The following PUDP variants were observed in gnomAD, a reference collection of about 807,000 sequenced individuals.
PUDP encodes pseudouridine-5'-phosphatase.
Under a neutral mutation model 9.4 loss-of-function variants are expected in PUDP, and 8 were observed. That is an observed-to-expected ratio of 0.85 (90% CI 0.50 to 1.53). The LOEUF (loss-of-function observed/expected upper bound fraction) is 1.53, where lower values mean the gene tolerates loss of function less well. PUDP is among the 40% of genes most tolerant of loss of function. The probability of loss-of-function intolerance (pLI) is 0.00; values close to 1 mark genes in which losing one functional copy is unlikely to be tolerated. For synonymous variants in PUDP, 99 were observed against 80.7 expected (o/e 1.23, Z -1.22); for missense variants, 188 against 189.7 (o/e 0.99, Z 0.05).
chrX:7,063,856 C>T (rs1435284863), intron 3 of PUDP, among the ~76,000 whole-genome samples: 2 of 111,087 alleles, frequency 1.8e-5, no homozygotes, highest in African/African-American at 3.3e-5. Context: ...GCCCTTTGCC[C>T]GGGCTAGTCT....
chrX:6,848,956 G>T (rs1256719185), intron 3 of PUDP, among the ~76,000 whole-genome samples: 2 of 112,047 alleles, frequency 1.8e-5, no homozygotes, highest in East Asian at 5.6e-4. Context: ...TAACACAGTT[G>T]GGAATGCGGA....
chrX:6,960,682 A>C (rs1928694007), intron 3 of PUDP, among the ~76,000 whole-genome samples: 1 of 112,425 alleles, frequency 8.9e-6, no homozygotes, highest in Non-Finnish European at 1.9e-5. Flanking sequence ...AGGACATTGA[A>C]TGTAGGGAAT....
At chrX:6,872,287 T>G (rs1330554188) in intron 3 of PUDP, among the ~76,000 whole-genome samples, 1 of 111,930 alleles carries the variant, frequency 8.9e-6, no homozygotes, top group African/African-American at 3.2e-5. Flanking sequence ...GTTTTCATTG[T>G]GCCTTGCCTT....
intron 3 of PUDP, among the ~76,000 whole-genome samples, chrX:6,770,530 T>A (rs1925347714): frequency 2.7e-5 from 3 of 111,610 alleles, no homozygotes; most frequent in Non-Finnish European, 5.6e-5. Flanking sequence ...TTGTGATGGA[T>A]CCATGACCTG....
At chrX:6,719,361 C>T (rs1924635361) in intron 1 of PUDP, among the ~76,000 whole-genome samples, 1 of 111,811 alleles carries the variant, frequency 8.9e-6, no homozygotes, top group African/African-American at 3.2e-5. Flanking sequence ...TCCAAGGCCT[C>T]ATCTCCAAAT....
At chrX:6,789,644 T>G (rs754565581) in intron 3 of PUDP, among the ~76,000 whole-genome samples, 7 of 109,949 alleles carry the variant, frequency 6.4e-5, no homozygotes, top group Non-Finnish European at 1.1e-4. Context: ...AGAAAATAGG[T>G]AGGGCAGCAC....
intron 2 of PUDP, among the ~76,000 whole-genome samples, chrX:7,098,790 T>C (rs1362660258): frequency 9.1e-6 from 1 of 110,173 alleles, no homozygotes; most frequent in Non-Finnish European, 1.9e-5. Context: ...AGGGGGAAAG[T>C]AGAGGGCAGG....
chrX:6,752,475 G>C (rs903741804), intron 3 of PUDP, among the ~76,000 whole-genome samples: 2 of 111,906 alleles, frequency 1.8e-5, no homozygotes, highest in African/African-American at 6.5e-5. Context: ...TTTTTTAAAA[G>C]CCACACTGTG....
At chrX:7,008,495 T>G in intron 1 of PUDP, among the ~76,000 whole-genome samples, 1 of 111,196 alleles carries the variant, frequency 9.0e-6, no homozygotes, top group East Asian at 2.8e-4. Context: ...ATTCTTTCTC[T>G]ATAGCCCAGG....
chrX:6,714,215 T>C (rs1445604300), intron 1 of PUDP, among the ~76,000 whole-genome samples: 4 of 112,144 alleles, frequency 3.6e-5, no homozygotes, highest in African/African-American at 1.3e-4. Context: ...TCATTTTACA[T>C]GAACCATAGT....
chrX:6,775,504 T>TAC lies in PUDP; in HGVS notation c.*248-69040_*248-69039dup, dbSNP rs1555909727. On this transcript the variant is annotated intron_variant and NMD_transcript_variant, in intron 3 of 3. Coordinates refer to the PUDP transcript ENST00000655425. ...ATAGATACACACATATACACACACA[T>TAC]ACACACACACACACACACACACATA... 8.2e-3 allele frequency among the ~76,000 whole-genome samples: 822 copies of TAC among 100,822 alleles called. 7 individuals are homozygous for TAC. The highest frequency in any genetic ancestry group is 0.017 in the African/African-American group (477 of 28,127). 87.6% of individuals were successfully genotyped at this position (100,822 alleles called of 115,157 possible).
At chrX:6,723,372 T>C (rs1206282568), upstream of PUDP, among the ~76,000 whole-genome samples, 2 of 93,183 alleles carry the variant, frequency 2.1e-5, no homozygotes, top group Non-Finnish European at 4.1e-5. Context: ...GAGGTTGAGG[T>C]TGCAATAAAC....
chrX:6,930,142 T>TGG (rs111322785), intron 3 of PUDP, among the ~76,000 whole-genome samples: 13 of 109,630 alleles, frequency 1.2e-4, no homozygotes, highest in Admixed American at 4.8e-4. Flanking sequence ...AAAGACAAGG[T>TGG]GGGGGGGTGT....
intron 3 of PUDP, among the ~76,000 whole-genome samples, chrX:6,963,697 G>A (rs929358270): frequency 3.6e-5 from 4 of 112,019 alleles, no homozygotes; most frequent in Non-Finnish European, 7.5e-5. Flanking sequence ...AGACCAGGTG[G>A]TCTGAGAGCA....
At chrX:7,020,484 T>C (rs1929618434) in intron 1 of PUDP, among the ~76,000 whole-genome samples, 1 of 111,075 alleles carries the variant, frequency 9.0e-6, no homozygotes, top group Admixed American at 9.6e-5. Flanking sequence ...AAACTTATTA[T>C]CACTGATGCC....
chrX:6,788,118 C>T (rs5989497), intron 3 of PUDP, among the ~76,000 whole-genome samples: 2,743 of 112,097 alleles, frequency 0.024, 86 homozygotes, highest in African/African-American at 0.084. Context: ...TTCAGTGTTA[C>T]TGTGGTGCAA....
chrX:6,998,130 T>C (rs1929275022), intron 1 of PUDP, among the ~76,000 whole-genome samples: 2 of 111,847 alleles, frequency 1.8e-5, no homozygotes, highest in Non-Finnish European at 3.8e-5. Context: ...GATGTCCACC[T>C]GGAGGGGTGT....
At chrX:6,738,815 C>T (rs751844517) in intron 3 of PUDP, among the ~76,000 whole-genome samples, 1 of 111,867 alleles carries the variant, frequency 8.9e-6, no homozygotes, top group Non-Finnish European at 1.9e-5. Context: ...AATGAGAAAA[C>T]CTGCCTCAAA....
chrX:6,974,876 A>G (rs910689664), intron 3 of PUDP, among the ~76,000 whole-genome samples: 5 of 110,809 alleles, frequency 4.5e-5, no homozygotes, highest in African/African-American at 1.6e-4. Context: ...GTCTTTTCAC[A>G]TAGTCCCATA....
Sources: allele counts gnomAD v4.1 joint callset (sites outside exome capture counted in the v4.1 genomes callset), GRCh38; gene constraint gnomAD v4.1.1; transcripts MANE v1.5; gene names NCBI Gene and HGNC (gene_info 2026-07-23, HGNC 2026-07-21).